The following TRAK1 variants were observed in gnomAD, a reference collection of about 807,000 sequenced individuals.
TRAK1 encodes the protein trafficking kinesin protein 1, also known as trafficking kinesin-binding protein 1.
Under a neutral mutation model 92.1 loss-of-function variants are expected in TRAK1, and 33 were observed. The ratio of observed to expected loss-of-function variants is 0.36; its 90% CI spans 0.27 to 0.48. TRAK1 has a LOEUF of 0.48. Among genes scored for constraint, TRAK1 ranks in the 20% least tolerant of loss-of-function variants. The pLI is 0.99. For missense variants in TRAK1, 1,123 were observed against 1,257.9 expected, an observed-to-expected ratio of 0.89 and a Z score of 1.62; for synonymous variants, 521 against 517.3, an observed-to-expected ratio of 1.01 and a Z score of -0.10.
rs1343741638 is a variant in TRAK1 at position 42,199,261 on chromosome 3, C to T, written c.1190+8C>T. 2 of 1,613,926 alleles carry T rather than the reference C, an allele frequency of 1.2e-6. No homozygotes were observed. The highest frequency in any genetic ancestry group is 2.2e-5 in the East Asian group (1 of 44,882). On this transcript the variant is annotated splice_region_variant and intron_variant, in intron 11 of 15. Coordinates refer to ENST00000327628, the MANE Select transcript of TRAK1 (RefSeq NM_001042646.3). ...CGAGTCTCCAGACATCACGTACGGCCACAGTTTTTACAGTTTTGAGATTCC... is the reference window on the plus strand; with the variant it reads ...CGAGTCTCCAGACATCACGTACGGCTACAGTTTTTACAGTTTTGAGATTCC...
At chr3:42,027,522 GAA>G (rs754971016) in intron 1 of TRAK1, among the ~76,000 whole-genome samples, 1 of 133,388 alleles carries the variant, frequency 7.5e-6, no homozygotes, top group African/African-American at 2.8e-5. Flanking sequence ...GACTCCATCT[GAA>G]AAAAAAAAAA....
intron 3 of TRAK1, 64 bp from the exon 4 acceptor site, chr3:42,184,621 A>G: frequency 6.8e-7 from 1 of 1,469,062 alleles, no homozygotes; most frequent in African/African-American, 1.4e-5. Flanking sequence ...GACACTGAGC[A>G]CCATTGACTC....
chr3:42,219,172 C>T (rs1710052407), intron 14 of TRAK1: 2 of 985,196 alleles, frequency 2.0e-6, no homozygotes, highest in Admixed American at 6.2e-5. Flanking sequence ...CCAAATTTAT[C>T]CCACAAAGGC....
intron 2 of TRAK1, among the ~76,000 whole-genome samples, chr3:42,150,450 T>G (rs527842915): frequency 6.6e-6 from 1 of 152,150 alleles, no homozygotes; most frequent in Non-Finnish European, 1.5e-5. Context: ...GACCCTCATA[T>G]CACATGCCTT....
intron 1 of TRAK1, among the ~76,000 whole-genome samples, chr3:42,080,109 T>G (rs1704361057): frequency 6.6e-6 from 1 of 152,150 alleles, no homozygotes; most frequent in Non-Finnish European, 1.5e-5. Flanking sequence ...CACACAGCTT[T>G]GAGTTTTAGT....
chr3:42,060,794 AT>A (rs113952524), intron 1 of TRAK1, among the ~76,000 whole-genome samples: 33,992 of 151,238 alleles, frequency 0.22, 4,213 homozygotes, highest in Middle Eastern at 0.33. Flanking sequence ...CTCCTGGCTG[AT>A]TTTTTTTATA....
rs34658873 is a variant in TRAK1 at position 42,223,012 on chromosome 3, T to C, written c.2137T>C (p.Cys713Arg). Reference sequence around the variant, plus strand: ...GAAATCCACGCCGGTGGCCACACCATGCACTCCACGGAGACTGAGCCTGGC... The same window carrying C: ...GAAATCCACGCCGGTGGCCACACCACGCACTCCACGGAGACTGAGCCTGGC... ...HLKSTPVATP[C>R]TPRRLSLAES... Residue 713 changes from cysteine (C) to arginine (R), a missense_variant, in exon 16 of 16, where the codon TGC becomes CGC. Physicochemically the swap from Cys to Arg is radical, Grantham distance 180 (BLOSUM62 -3). Coordinates refer to ENST00000327628, the MANE Select transcript of TRAK1 (RefSeq NM_001042646.3). This position sits in a 1 kb window ranked among gnomAD's most constrained non-coding sequence, Gnocchi z 6.1. 82 of 1,614,116 alleles carry C rather than the reference T, an allele frequency of 5.1e-5. 2 individuals carry two copies. In the East Asian group the frequency reaches 1.8e-3, roughly 35 times the overall value.
chr3:42,171,669 C>G (rs1337368648), intron 2 of TRAK1, among the ~76,000 whole-genome samples: 1 of 152,136 alleles, frequency 6.6e-6, no homozygotes, highest in Non-Finnish European at 1.5e-5. Context: ...GATAGAAACC[C>G]CAATGCCACA....
At chr3:42,178,660 A>G (rs982663838) in intron 3 of TRAK1, among the ~76,000 whole-genome samples, 5 of 152,052 alleles carry the variant, frequency 3.3e-5, no homozygotes, top group Admixed American at 3.3e-4. Flanking sequence ...GCCCAGGCTG[A>G]TATTAAACTC....
intron 2 of TRAK1, among the ~76,000 whole-genome samples, chr3:42,135,919 C>G (rs1382560885): frequency 6.6e-6 from 1 of 152,180 alleles, no homozygotes; most frequent in Non-Finnish European, 1.5e-5. Flanking sequence ...TGCTTGCCAT[C>G]CTCACACTAG....
At chr3:42,044,410 C>T (rs1010644181) in intron 1 of TRAK1, among the ~76,000 whole-genome samples, 16 of 152,216 alleles carry the variant, frequency 1.1e-4, no homozygotes, top group African/African-American at 3.9e-4. Flanking sequence ...GATCCACTTG[C>T]CTCGGTCTCC....
At position 42,200,828 on chromosome 3, in the gene TRAK1, C is replaced by G; in HGVS notation, c.1201C>G (p.Arg401Gly). 1 of 1,614,130 alleles carries G rather than the reference C, an allele frequency of 6.2e-7. No homozygotes were observed. Among genetic ancestry groups the G allele is most frequent in the South Asian group, 1.1e-5 (1 of 91,072 alleles). Residue 401 changes from arginine (R) to glycine (G), a missense_variant, in exon 12 of 16, where the codon CGT (arginine) becomes GGT (glycine). By Grantham distance (125) the Arg-to-Gly change is moderately radical (BLOSUM62 -2). Transcript: ENST00000327628. Reference protein sequence around the residue: ...AESPDITHQKRVFETVRNINQ... With the variant: ...AESPDITHQKGVFETVRNINQ... ...GTGCATTCTCCCTAGTCACCAGAAG[C>G]GTGTCTTTGAGACAGTAAGAAACAT... is the stretch of plus-strand genomic sequence containing the variant.
intron 1 of TRAK1, among the ~76,000 whole-genome samples, chr3:42,068,010 G>A (rs1703755113): frequency 6.6e-6 from 1 of 151,922 alleles, no homozygotes; most frequent in Non-Finnish European, 1.5e-5. Flanking sequence ...CGTCTCTACA[G>A]AAGTACAAAA....
chr3:42,139,410 AG>A (rs1252925439), intron 2 of TRAK1, among the ~76,000 whole-genome samples: 1 of 152,198 alleles, frequency 6.6e-6, no homozygotes, highest in Admixed American at 6.5e-5. Context: ...AGCCAAATGC[AG>A]TCATGATGCC....
intron 4 of TRAK1, among the ~76,000 whole-genome samples, chr3:42,187,273 G>A (rs1430069386): frequency 2.0e-5 from 3 of 152,152 alleles, no homozygotes; most frequent in Non-Finnish European, 4.4e-5. Context: ...AGCAAGGGTC[G>A]GTGAGCTGCC....
intron 1 of TRAK1, among the ~76,000 whole-genome samples, chr3:42,094,570 C>T (rs1262129931): frequency 2.0e-5 from 3 of 151,962 alleles, no homozygotes; most frequent in Non-Finnish European, 4.4e-5. Context: ...TGGGATCTTG[C>T]TGTGTTGACC....
chr3:42,145,979 A>C (rs1699277447), intron 2 of TRAK1: 1 of 307,878 alleles, frequency 3.2e-6, no homozygotes. Flanking sequence ...GAAGATAATA[A>C]ATGCTGCAAC....
chr3:42,118,385 C>G (rs1053895772), intron 1 of TRAK1, among the ~76,000 whole-genome samples: 3 of 152,320 alleles, frequency 2.0e-5, no homozygotes, highest in Admixed American at 2.0e-4. Flanking sequence ...AGCCACTGCG[C>G]CCCGCTGAGA....
intron 1 of TRAK1, among the ~76,000 whole-genome samples, chr3:42,121,575 A>G (rs993616358): frequency 2.6e-5 from 4 of 151,850 alleles, no homozygotes; most frequent in African/African-American, 9.7e-5. Flanking sequence ...GGAATTCTTG[A>G]AGACTCTTCT....
Sources: gnomAD v4.1 joint callset for allele counts (sites outside exome capture counted in the v4.1 genomes callset) on GRCh38, gnomAD v4.1.1 for gene constraint, Gnocchi (gnomAD v3.1) non-coding constraint, MANE v1.5 for transcripts, NCBI Gene and HGNC (gene_info 2026-07-23, HGNC 2026-07-21) for gene names.